TPST1: variants seen among roughly 807,000 people sequenced by gnomAD.
The protein encoded by TPST1 is protein-tyrosine sulfotransferase 1.
TPST1 carries 20 observed loss-of-function variants against 34.8 expected under a neutral mutation model. The observed-to-expected ratio is 0.57, with a 90% CI of 0.40 to 0.84. The LOEUF (loss-of-function observed/expected upper bound fraction) is 0.84. Among genes scored for constraint, TPST1 ranks in the 40% least tolerant of loss-of-function variants. The probability of loss-of-function intolerance (pLI) is 0.00; values close to 1 mark genes in which losing one functional copy is unlikely to be tolerated. For missense variants in TPST1, 353 were observed against 455.5 expected (o/e 0.78, Z 2.05); for synonymous variants, 152 against 159.4 (o/e 0.95, Z 0.35).
upstream of TPST1, among the ~76,000 whole-genome samples, chr7:66,200,512 G>A (rs1386372111): frequency 7.0e-6 from 1 of 142,716 alleles, no homozygotes; most frequent in African/African-American, 2.7e-5. Context: ...CTCCGCCTCC[G>A]GGATTCACGC....
upstream of TPST1, among the ~76,000 whole-genome samples, chr7:66,204,500 G>A (rs555656716): frequency 2.6e-5 from 4 of 152,362 alleles, no homozygotes; most frequent in East Asian, 5.8e-4. Context: ...AGAGGCATGA[G>A]CCACCCCACC....
chr7:66,270,726 T>C lies in TPST1; in HGVS notation c.846-15785T>C, dbSNP rs1790688452. 2.6e-5 allele frequency among the ~76,000 whole-genome samples: 4 copies of C among 152,242 alleles called. 1 individual carries two copies. The highest frequency in any genetic ancestry group is 9.6e-5 in the African/African-American group (4 of 41,468). On this transcript the variant is annotated intron_variant, in intron 2 of 5. Coordinates refer to ENST00000304842, the MANE Select transcript of TPST1 (RefSeq NM_003596.4). ...CAATCGAACTGCTGATTATCCAGCATGTTCTTCTGAATTCTCTACTTCCTG... is the reference window on the plus strand; with the variant it reads ...CAATCGAACTGCTGATTATCCAGCACGTTCTTCTGAATTCTCTACTTCCTG...
chr7:66,268,029 T>G (rs1037559675), intron 2 of TPST1, among the ~76,000 whole-genome samples: 2 of 152,096 alleles, frequency 1.3e-5, no homozygotes, highest in Non-Finnish European at 2.9e-5. Context: ...CTTGGCTCAC[T>G]GCAACCTCCT....
chr7:66,216,981 A>G (rs1789426355), intron 1 of TPST1, among the ~76,000 whole-genome samples: 1 of 152,056 alleles, frequency 6.6e-6, no homozygotes, highest in African/African-American at 2.4e-5. Flanking sequence ...TTTCATTTCC[A>G]CATATTTGTA....
At chr7:66,219,783 A>G (rs78365124) in intron 1 of TPST1, among the ~76,000 whole-genome samples, 3,353 of 152,336 alleles carry the variant, frequency 0.022, 63 homozygotes, top group Non-Finnish European at 0.028. Flanking sequence ...CATGGTATAC[A>G]GTCAGACCTG....
intron 3 of TPST1, among the ~76,000 whole-genome samples, chr7:66,338,665 G>A (rs1792170984): frequency 6.6e-6 from 1 of 151,952 alleles, no homozygotes. Context: ...ATAATCAGAG[G>A]AACATTGGAA....
At chr7:66,210,961 CGTCT>C (rs754527211) in intron 1 of TPST1, among the ~76,000 whole-genome samples, 59 of 151,966 alleles carry the variant, frequency 3.9e-4, no homozygotes, top group Non-Finnish European at 4.7e-4. Context: ...AGAGTGAGAC[CGTCT>C]GTCTGTCTGC....
chr7:66,351,197 T>C (rs74347194), intron 3 of TPST1, among the ~76,000 whole-genome samples: 2,236 of 152,360 alleles, frequency 0.015, 61 homozygotes, highest in East Asian at 0.093. Context: ...AGATGTAGTA[T>C]ATTATTCTTT....
At chr7:66,277,224 C>T (rs958617934) in intron 2 of TPST1, among the ~76,000 whole-genome samples, 1 of 152,138 alleles carries the variant, frequency 6.6e-6, no homozygotes, top group African/African-American at 2.4e-5. Context: ...CTTTCTCTGG[C>T]CCCTTTGAGA....
intron 3 of TPST1, among the ~76,000 whole-genome samples, chr7:66,339,852 AAT>A (rs1554355928): frequency 2.6e-5 from 4 of 151,726 alleles, no homozygotes; most frequent in Non-Finnish European, 4.4e-5. Context: ...AAAAAAAAAA[AAT>A]CATCATGATA....
chr7:66,342,279 G>A (rs1365244332), intron 3 of TPST1, among the ~76,000 whole-genome samples: 1 of 152,130 alleles, frequency 6.6e-6, no homozygotes, highest in Non-Finnish European at 1.5e-5. Flanking sequence ...AAAAACTGGA[G>A]GGAATGGTGC....
chr7:66,286,389 T>C (rs1029260886), intron 2 of TPST1, 122 bp from the exon 3 acceptor site: 2 of 751,932 alleles, frequency 2.7e-6, no homozygotes, highest in African/African-American at 3.6e-5. Flanking sequence ...TAGTGCCCTC[T>C]TTCTCAATTG....
intron 2 of TPST1, among the ~76,000 whole-genome samples, chr7:66,257,403 T>TA (rs1295004105): frequency 6.6e-6 from 1 of 152,362 alleles, no homozygotes; most frequent in African/African-American, 2.4e-5. Context: ...GAAGTGTTAC[T>TA]AGTCCATATC....
intron 2 of TPST1, among the ~76,000 whole-genome samples, chr7:66,243,711 G>A (rs918783273): frequency 7.4e-5 from 11 of 149,648 alleles, no homozygotes; most frequent in African/African-American, 2.5e-4. Flanking sequence ...GCCTCCCAGA[G>A]TACTGGGGTT....
chr7:66,204,866 C>T (rs914052526), upstream of TPST1, among the ~76,000 whole-genome samples: 2 of 152,262 alleles, frequency 1.3e-5, no homozygotes, highest in African/African-American at 2.4e-5. Flanking sequence ...GACAGCTTCT[C>T]TGCCAGCAGC....
At chr7:66,202,394 C>A (rs140036136), upstream of TPST1, among the ~76,000 whole-genome samples, 395 of 152,280 alleles carry the variant, frequency 2.6e-3, 3 homozygotes, top group African/African-American at 9.0e-3. Flanking sequence ...CTGAAAGGAT[C>A]GTGTCCTTTC....
chr7:66,260,312 A>ACAG (rs1790463763), intron 2 of TPST1, among the ~76,000 whole-genome samples: 1 of 152,232 alleles, frequency 6.6e-6, no homozygotes, highest in Non-Finnish European at 1.5e-5. Context: ...TATTTTGAAT[A>ACAG]ATTTTGTTAA....
the TPST1 span, among the ~76,000 whole-genome samples, chr7:66,199,783 G>A: frequency 8.4e-4 from 127 of 150,414 alleles, no homozygotes; most frequent in African/African-American, 2.9e-3. Flanking sequence ...GCACTATCTC[G>A]GTTCACTGCA....
intron 2 of TPST1, among the ~76,000 whole-genome samples, chr7:66,276,929 T>C (rs1415565920): frequency 6.6e-6 from 1 of 152,196 alleles, no homozygotes; most frequent in East Asian, 1.9e-4. Flanking sequence ...TTTCTCAAGC[T>C]TTTGGGAGGA....
Sources: allele counts gnomAD v4.1 joint callset (sites outside exome capture counted in the v4.1 genomes callset), GRCh38; gene constraint gnomAD v4.1.1; transcripts MANE v1.5; gene names NCBI Gene and HGNC (gene_info 2026-07-23, HGNC 2026-07-21).